Variants in KLHL29 observed in about 807,000 individuals in gnomAD.
KLHL29 encodes kelch-like protein 29.
KLHL29 carries 21 observed loss-of-function variants against 80.4 expected under a neutral mutation model. The observed-to-expected ratio is 0.26, with a 90% CI of 0.19 to 0.38. KLHL29 has a LOEUF of 0.38. KLHL29 is among the 10% of genes least tolerant of loss of function. The probability of loss-of-function intolerance (pLI) is 1.00; values close to 1 mark genes in which losing one functional copy is unlikely to be tolerated. For synonymous variants in KLHL29, 511 were observed against 526.8 expected (o/e 0.97, Z 0.41); for missense variants, 867 against 1,223.9 (o/e 0.71, Z 4.35).
At chr2:23,673,875 T>C (rs1670850904) in intron 5 of KLHL29, among the ~76,000 whole-genome samples, 1 of 151,770 alleles carries the variant, frequency 6.6e-6, no homozygotes, top group Admixed American at 6.6e-5. Context: ...CACCACATGC[T>C]CAAACACACA....
intron 1 of KLHL29, among the ~76,000 whole-genome samples, chr2:23,474,841 AAT>A (rs2103437665): frequency 6.6e-6 from 1 of 152,270 alleles, no homozygotes; most frequent in African/African-American, 2.4e-5. Context: ...GGTTTAAAAA[AAT>A]ATATTGATTC....
chr2:23,431,393 G>T (rs1663171479), intron 1 of KLHL29, among the ~76,000 whole-genome samples: 1 of 152,210 alleles, frequency 6.6e-6, no homozygotes, highest in Non-Finnish European at 1.5e-5. Flanking sequence ...TCTAACAAGT[G>T]TATTTTCTCT....
rs148419710 is a variant in KLHL29 at position 23,594,738 on chromosome 2, TC to T, written c.285+32259del. ...CACAACTCTGTTGTTCTTTGACTTT[TC>T]CTTTCAAAATTCATGTAGTGAATGC... On this transcript the variant is annotated intron_variant, in intron 3 of 13. Coordinates refer to ENST00000486442, the MANE Select transcript of KLHL29 (RefSeq NM_052920.2). Among the ~76,000 whole-genome samples, 836 of 152,360 alleles carry T rather than the reference TC, an allele frequency of 5.5e-3. 6 individuals are homozygous for T. Among genetic ancestry groups the T allele is most frequent in the African/African-American group, 0.019 (800 of 41,580 alleles).
intron 3 of KLHL29, among the ~76,000 whole-genome samples, chr2:23,598,343 A>G (rs1266736006): frequency 1.3e-5 from 2 of 152,244 alleles, no homozygotes; most frequent in African/African-American, 2.4e-5. Flanking sequence ...GTCAGGTCCC[A>G]CTGACTTCAG....
At chr2:23,693,746 C>T (rs1311284421) in intron 8 of KLHL29, among the ~76,000 whole-genome samples, 2 of 152,220 alleles carry the variant, frequency 1.3e-5, no homozygotes, top group African/African-American at 2.4e-5. Flanking sequence ...GGCCAAGAGC[C>T]GCAGCACCTG....
rs1671921322 is a variant in KLHL29, at chr2:23,695,882, T to C, written c.1741+61T>C. 2 of 1,534,644 alleles carry C rather than the reference T, an allele frequency of 1.3e-6. No individual in the cohort carries two copies. Among genetic ancestry groups the C allele is most frequent in the African/African-American group, 2.7e-5 (2 of 72,796 alleles). On this transcript the variant is annotated intron_variant, in intron 9 of 13. Coordinates refer to ENST00000486442, the MANE Select transcript of KLHL29 (RefSeq NM_052920.2). This position sits in a 1 kb window ranked among gnomAD's most constrained non-coding sequence, Gnocchi z 7.6. ...AGTGTCTTGGGCTCAGTGGTTCCAG[T>C]GAGGTGCCAGGCACAGATGCCGACA...
chr2:23,701,437 G>A (rs1056417879), intron 11 of KLHL29, among the ~76,000 whole-genome samples: 5 of 152,180 alleles, frequency 3.3e-5, no homozygotes, highest in African/African-American at 9.7e-5. Context: ...GGGCAGTCAG[G>A]TGCTGTGGCT....
chr2:23,400,233 T>C (rs367550465), intron 1 of KLHL29, among the ~76,000 whole-genome samples: 2 of 151,868 alleles, frequency 1.3e-5, no homozygotes, highest in African/African-American at 4.8e-5. Context: ...GGGGCTAGGG[T>C]GGAGGTGGAG....
At chr2:23,625,116 A>C (rs1307324777) in intron 3 of KLHL29, among the ~76,000 whole-genome samples, 3 of 152,234 alleles carry the variant, frequency 2.0e-5, no homozygotes, top group Non-Finnish European at 4.4e-5. Context: ...AGCCGTGGTC[A>C]TCCAGGCTGG....
intron 1 of KLHL29, among the ~76,000 whole-genome samples, chr2:23,417,767 T>A (rs1662626988): frequency 6.6e-6 from 1 of 152,170 alleles, no homozygotes; most frequent in Non-Finnish European, 1.5e-5. Context: ...GCTGAAGTGC[T>A]TGCAGTTCTC....
intron 2 of KLHL29, among the ~76,000 whole-genome samples, chr2:23,509,225 G>A (rs1558365602): frequency 6.6e-6 from 1 of 152,180 alleles, no homozygotes; most frequent in Non-Finnish European, 1.5e-5. Flanking sequence ...GGGATACCGG[G>A]TTATTTCTGC....
intron 7 of KLHL29, among the ~76,000 whole-genome samples, chr2:23,692,336 T>TCTGCTGCC (rs1671665001): frequency 4.6e-5 from 7 of 152,216 alleles, no homozygotes; most frequent in Admixed American, 4.6e-4. Flanking sequence ...AGTACCCAGA[T>TCTGCTGCC]CTGCTGCCCA....
At chr2:23,450,214 G>A (rs1444098205) in intron 1 of KLHL29, among the ~76,000 whole-genome samples, 3 of 152,026 alleles carry the variant, frequency 2.0e-5, no homozygotes, top group African/African-American at 7.2e-5. Context: ...CTCGCCTCTC[G>A]GTGAGACAGA....
intron 5 of KLHL29, among the ~76,000 whole-genome samples, chr2:23,656,300 G>C (rs1248740017): frequency 6.6e-6 from 1 of 152,194 alleles, no homozygotes; most frequent in Non-Finnish European, 1.5e-5. Context: ...GAGGTGGGCT[G>C]TGCGCCAATG....
chr2:23,670,976 CT>C (rs1558432943), intron 5 of KLHL29, among the ~76,000 whole-genome samples: 228 of 19,840 alleles, frequency 0.011, 67 homozygotes, highest in South Asian at 0.028. Context: ...CTCTCTCTCT[CT>C]CTCCCTCCCT....
In KLHL29 at chr2:23,684,512, T is replaced by C. The variant is rs1245084381; in HGVS notation, c.1054T>C (p.Leu352=). Residue 352 remains leucine, a synonymous_variant, in exon 6 of 14, where the codon TTG becomes CTG. Coordinates refer to ENST00000486442, the MANE Select transcript of KLHL29 (RefSeq NM_052920.2). The surrounding 1 kb of genome is among the most constrained non-coding windows in gnomAD (Gnocchi z 4.4). The part of the protein sequence containing the change: ...VHQNVLASCS[L]YFKDLIQRSV... ...CCAAAATGTTCTAGCTTCCTGCAGC[T>C]TGTATTTCAAGGACCTGATTCAAAG... 6.5e-7 allele frequency: 1 copy of C among 1,549,902 alleles called. No homozygotes were observed. Among genetic ancestry groups the C allele is most frequent in the South Asian group, 1.2e-5 (1 of 83,548 alleles).
chr2:23,567,002 A>G (rs570658340), intron 3 of KLHL29, among the ~76,000 whole-genome samples: 4 of 152,262 alleles, frequency 2.6e-5, no homozygotes, highest in Admixed American at 6.5e-5. Flanking sequence ...AGGTCATGCT[A>G]AGGAACTGGG....
intron 3 of KLHL29, among the ~76,000 whole-genome samples, chr2:23,565,353 C>T (rs1172438444): frequency 2.6e-5 from 4 of 152,112 alleles, no homozygotes; most frequent in South Asian, 2.1e-4. Flanking sequence ...CGTGAATCGC[C>T]GTGCCCAGCC....
intron 3 of KLHL29, among the ~76,000 whole-genome samples, chr2:23,581,066 T>C (rs1667967899): frequency 6.6e-6 from 1 of 150,556 alleles, no homozygotes; most frequent in Non-Finnish European, 1.5e-5. Flanking sequence ...AAATTCTGTC[T>C]TAAGAATAAA....
Sources: allele counts gnomAD v4.1 joint callset (sites outside exome capture counted in the v4.1 genomes callset), GRCh38; gene constraint gnomAD v4.1.1; non-coding constraint Gnocchi (gnomAD v3.1); transcripts MANE v1.5; gene names NCBI Gene and HGNC (gene_info 2026-07-23, HGNC 2026-07-21).